Variants in VPS13A observed in about 807,000 individuals in gnomAD.
VPS13A encodes intermembrane lipid transfer protein VPS13A.
A neutral mutation model predicts 390.9 loss-of-function variants in VPS13A; 264 were observed. The observed-to-expected ratio is 0.68, with a 90% CI of 0.61 to 0.75. The LOEUF (loss-of-function observed/expected upper bound fraction) is 0.75. Among genes scored for constraint, VPS13A ranks in the 30% least tolerant of loss-of-function variants. VPS13A has a pLI of 0.00. For synonymous variants in VPS13A, 1,231 were observed against 1,227.1 expected (o/e 1.00, Z -0.07); for missense variants, 3,409 against 3,733.9 (o/e 0.91, Z 2.27).
intron 69 of VPS13A, among the ~76,000 whole-genome samples, chr9:77,404,900 A>G (rs959855414): frequency 3.3e-5 from 5 of 152,156 alleles, no homozygotes; most frequent in African/African-American, 4.8e-5. Flanking sequence ...GGACTGGTAA[A>G]AGAGGGGAGC....
chr9:77,393,076 A>G (rs1218627453), intron 68 of VPS13A, among the ~76,000 whole-genome samples: 2 of 152,198 alleles, frequency 1.3e-5, no homozygotes, highest in Non-Finnish European at 2.9e-5. Context: ...CTCAAACCCT[A>G]CTGCTGCTTT....
intron 67 of VPS13A, among the ~76,000 whole-genome samples, chr9:77,373,180 C>A (rs1353552116): frequency 1.3e-5 from 2 of 150,990 alleles, no homozygotes; most frequent in Non-Finnish European, 3.0e-5. Context: ...ATCGCCAAGG[C>A]AATCCTAAGC....
At chr9:77,366,688 A>C (rs1256273541) in intron 60 of VPS13A, 39 bp from the exon 61 acceptor site, 4 of 1,541,002 alleles carry the variant, frequency 2.6e-6, no homozygotes. Flanking sequence ...GTCAATATGA[A>C]GAAAATACTT....
intron 22 of VPS13A, among the ~76,000 whole-genome samples, chr9:77,255,856 CTTTCA>C (rs1414251511): frequency 6.6e-6 from 1 of 152,012 alleles, no homozygotes; most frequent in Non-Finnish European, 1.5e-5. Context: ...AATGTTACCA[CTTTCA>C]TTTCTGATTT....
At position 77,278,399 on chromosome 9, in the gene VPS13A, T is replaced by C. The variant is rs76682273; in HGVS notation, c.2825-1760T>C. ...CACTTATTAAGTTTTATGTTTATTC[T>C]TATGTTTGCTTTGCCAAGAACAAAG... On this transcript the variant is annotated intron_variant, in intron 26 of 71. Coordinates refer to ENST00000360280, the MANE Select transcript of VPS13A (RefSeq NM_033305.3). 4.4e-4 allele frequency among the ~76,000 whole-genome samples: 67 copies of C among 152,222 alleles called. No individual in the cohort carries two copies. In the East Asian group the frequency reaches 0.012, roughly 28 times the overall value.
intron 45 of VPS13A, among the ~76,000 whole-genome samples, chr9:77,329,244 A>G (rs1830164030): frequency 6.6e-6 from 1 of 152,194 alleles, no homozygotes; most frequent in Non-Finnish European, 1.5e-5. Context: ...TCACTTTCTT[A>G]TCATTTGTGT....
intron 1 of VPS13A, among the ~76,000 whole-genome samples, chr9:77,190,673 T>C (rs908346324): frequency 6.6e-6 from 1 of 152,220 alleles, no homozygotes; most frequent in Non-Finnish European, 1.5e-5. Flanking sequence ...CTTCTTTATA[T>C]GTCCGGTAGA....
intron 68 of VPS13A, among the ~76,000 whole-genome samples, chr9:77,398,400 C>T (rs1044060372): frequency 6.6e-6 from 1 of 152,162 alleles, no homozygotes; most frequent in African/African-American, 2.4e-5. Flanking sequence ...CCTAATTACA[C>T]AAGATGGTGA....
In VPS13A at chr9:77,210,603, CT is replaced by C. The variant is rs1383792204; in HGVS notation, c.496-10del. ...TAAAAATCTGAATAAATTTTACTTT[CT>C]TTCCTCTTTAGATCACAAATCGGGA... is the stretch of plus-strand genomic sequence containing the variant. On this transcript the variant is annotated splice_polypyrimidine_tract_variant and intron_variant, in intron 6 of 71. Coordinates refer to ENST00000360280, the MANE Select transcript of VPS13A (RefSeq NM_033305.3). 2.5e-6 allele frequency: 4 copies of C among 1,612,910 alleles called. No individual in the cohort carries two copies. The highest frequency in any genetic ancestry group is 3.4e-6 in the Non-Finnish European group (4 of 1,179,476).
intron 67 of VPS13A, among the ~76,000 whole-genome samples, chr9:77,379,401 C>T (rs984065235): frequency 6.6e-6 from 1 of 151,936 alleles, no homozygotes; most frequent in Non-Finnish European, 1.5e-5. Context: ...CCACCACACC[C>T]GGCTAATTTT....
In VPS13A at chr9:77,293,228, A is replaced by G; in HGVS notation, c.3340-113A>G. ...TTGCCTCATTTGTACTTGGCTTGTG[A>G]ATACTTGGGAGATTTTCTAACTATG... On this transcript the variant is annotated intron_variant, in intron 31 of 71. Coordinates refer to ENST00000360280, the MANE Select transcript of VPS13A (RefSeq NM_033305.3). 4 of 957,718 alleles carry G rather than the reference A, an allele frequency of 4.2e-6. No homozygotes were observed. In the Admixed American group the frequency reaches 6.6e-5, roughly 16 times the overall value. 59.3% of individuals were successfully genotyped at this position (957,718 alleles called of 1,614,324 possible). A position where few individuals can be genotyped will look rare whatever the true frequency, so the allele number is the denominator to read the frequency against.
intron 1 of VPS13A, among the ~76,000 whole-genome samples, chr9:77,198,640 A>AT (rs985032001): frequency 5.3e-5 from 8 of 151,274 alleles, no homozygotes; most frequent in East Asian, 1.9e-4. Context: ...ACGTACTTTT[A>AT]TTTTTTTTGT....
Position 77,321,872 on chromosome 9 carries a change from T to C in VPS13A, c.5830+126T>C, listed in dbSNP as rs926192120. On this transcript the variant is annotated intron_variant, in intron 44 of 71. Coordinates refer to ENST00000360280, the MANE Select transcript of VPS13A (RefSeq NM_033305.3). ...TTTTTGTTTTTGTTTTTTTAAAATA[T>C]CCTTTCTAATAGGTCAAGAACTGTT... is the stretch of plus-strand genomic sequence containing the variant. 8.9e-6 allele frequency: 10 copies of C among 1,121,792 alleles called. No individual in the cohort carries two copies. The African/African-American group carries it at 9.5e-5, about 11-fold the overall frequency. 69.5% of individuals were successfully genotyped at this position (1,121,792 alleles called of 1,614,324 possible). A position where few individuals can be genotyped will look rare whatever the true frequency, so the allele number is the denominator to read the frequency against.
intron 68 of VPS13A, chr9:77,384,560 CT>C: frequency 6.2e-7 from 1 of 1,611,078 alleles, no homozygotes. Flanking sequence ...CTTTGTGCTT[CT>C]TTTTTCCTTT....
intron 50 of VPS13A, among the ~76,000 whole-genome samples, chr9:77,342,778 A>G (rs1435303213): frequency 6.6e-6 from 1 of 152,174 alleles, no homozygotes; most frequent in African/African-American, 2.4e-5. Flanking sequence ...CATCTCGAAT[A>G]GGGGATACTC....
intron 13 of VPS13A, 140 bp downstream of exon 13, chr9:77,221,496 G>A: frequency 1.2e-6 from 1 of 867,738 alleles, no homozygotes; most frequent in South Asian, 1.7e-5. Flanking sequence ...TTGTGCTTCT[G>A]TTCTTAACTT....
rs930636330 is a variant in VPS13A, at chr9:77,356,692, G to T, written c.7653-22G>T. On this transcript the variant is annotated intron_variant, in intron 54 of 71. Coordinates refer to ENST00000360280, the MANE Select transcript of VPS13A (RefSeq NM_033305.3). Reference sequence around the variant, plus strand: ...TTAATAACTTAGTATTAAATACTATGATTTTTGCTTTCTTAAATAAGTTCT... The same window carrying T: ...TTAATAACTTAGTATTAAATACTATTATTTTTGCTTTCTTAAATAAGTTCT... 3 of 1,586,250 alleles carry T rather than the reference G, an allele frequency of 1.9e-6. No individual in the cohort carries two copies. In the African/African-American group the frequency reaches 4.1e-5, roughly 22 times the overall value.
chr9:77,356,044 A>G (rs1831760062), intron 54 of VPS13A, among the ~76,000 whole-genome samples: 3 of 152,172 alleles, frequency 2.0e-5, no homozygotes, highest in Non-Finnish European at 4.4e-5. Flanking sequence ...GTGGTATCTC[A>G]TCTCACTCAG....
intron 20 of VPS13A, among the ~76,000 whole-genome samples, chr9:77,249,795 C>G (rs1004987641): frequency 6.6e-6 from 1 of 152,194 alleles, no homozygotes; most frequent in East Asian, 1.9e-4. Flanking sequence ...TGATCTTGCT[C>G]TTAATCAGAA....
Sources: allele counts gnomAD v4.1 joint callset (sites outside exome capture counted in the v4.1 genomes callset), GRCh38; gene constraint gnomAD v4.1.1; transcripts MANE v1.5; gene names NCBI Gene and HGNC (gene_info 2026-07-23, HGNC 2026-07-21).